Variants in HS3ST2 observed in about 807,000 individuals in gnomAD.
HS3ST2 encodes heparan sulfate glucosamine 3-O-sulfotransferase 2.
In HS3ST2, 17 loss-of-function variants were observed where a neutral mutation model predicts 26.3. The ratio of observed to expected loss-of-function variants is 0.65; its 90% CI spans 0.44 to 0.97. The LOEUF (loss-of-function observed/expected upper bound fraction) is 0.97. Ranked by LOEUF, HS3ST2 falls within the 50% of genes least tolerant of loss-of-function variation. The pLI, the probability that HS3ST2 is intolerant of heterozygous loss-of-function variation, is 0.00. For synonymous variants in HS3ST2, 237 were observed against 219.2 expected (o/e 1.08, Z -0.72); for missense variants, 402 against 501.2 (o/e 0.80, Z 1.89).
chr16:22,910,049 A>G (rs1218684395), intron 1 of HS3ST2, among the ~76,000 whole-genome samples: 3 of 151,668 alleles, frequency 2.0e-5, no homozygotes, highest in Non-Finnish European at 4.4e-5. Context: ...AAAAAAAAAA[A>G]AAAAAGAAAG....
intron 1 of HS3ST2, among the ~76,000 whole-genome samples, chr16:22,849,223 G>A (rs144152643): frequency 4.6e-5 from 7 of 152,170 alleles, no homozygotes; most frequent in African/African-American, 9.6e-5. Flanking sequence ...GAACACACTC[G>A]TGCTGTCTCA....
Position 22,850,735 on chromosome 16 carries a change from T to C in HS3ST2, c.485+35640T>C, listed in dbSNP as rs1221740660. On this transcript the variant is annotated intron_variant, in intron 1 of 1. Coordinates refer to ENST00000261374, the MANE Select transcript of HS3ST2 (RefSeq NM_006043.2). ...CCGGGAGGCGGAGGTTGCAGTGAGC[T>C]GAGATTGTGCCACTGCACTCCAGCC... 2.0e-5 allele frequency among the ~76,000 whole-genome samples: 3 copies of C among 152,104 alleles called. No individual in the cohort carries two copies. The East Asian group carries it at 5.8e-4, about 29-fold the overall frequency.
intron 1 of HS3ST2, among the ~76,000 whole-genome samples, chr16:22,892,041 G>A (rs958183820): frequency 4.6e-5 from 7 of 151,424 alleles, no homozygotes; most frequent in Middle Eastern, 3.4e-3. Context: ...TTGGGAGGCC[G>A]AGGCAGGTGG....
At chr16:22,851,216 C>G (rs1901514086) in intron 1 of HS3ST2, among the ~76,000 whole-genome samples, 1 of 152,204 alleles carries the variant, frequency 6.6e-6, no homozygotes, top group African/African-American at 2.4e-5. Context: ...GAGACCCCAT[C>G]TCTTATGTGA....
At chr16:22,886,853 T>C (rs910915875) in intron 1 of HS3ST2, among the ~76,000 whole-genome samples, 3 of 152,012 alleles carry the variant, frequency 2.0e-5, no homozygotes, top group Admixed American at 2.0e-4. Context: ...CTGAAGCTCC[T>C]GGGCTCAAAC....
chr16:22,861,271 C>T (rs546818988), intron 1 of HS3ST2, among the ~76,000 whole-genome samples: 17 of 151,992 alleles, frequency 1.1e-4, no homozygotes, highest in Admixed American at 7.9e-4. Flanking sequence ...TCTGGGGGGT[C>T]CATCAGAGAC....
intron 1 of HS3ST2, among the ~76,000 whole-genome samples, chr16:22,892,834 G>T (rs66710614): frequency 6.6e-6 from 1 of 152,000 alleles, no homozygotes. Context: ...TTCAAAATGC[G>T]TTGGCTCTTT....
Position 22,814,793 on chromosome 16 carries a change from G to T in HS3ST2, c.183G>T (p.Ala61=). The change falls in exon 1 of 2, where the codon GCG becomes GCT. Residue 61 remains alanine, a synonymous_variant. Transcript: ENST00000261374. The part of the protein sequence containing the change: ...GAPRCLRGPS[A]GGQKLLQKSR... ...CTCGCTGCCTCCGCGGCCCCAGCGC[G>T]GGCGGCCAGAAACTTCTCCAGAAGT... The T allele has an allele frequency of 1.3e-6, 2 of 1,592,608 alleles. No individual in the cohort carries two copies. The highest frequency in any genetic ancestry group is 2.3e-5 in the East Asian group (1 of 43,944).
At chr16:22,860,925 T>C (rs1405621946) in intron 1 of HS3ST2, among the ~76,000 whole-genome samples, 1 of 151,434 alleles carries the variant, frequency 6.6e-6, no homozygotes, top group African/African-American at 2.4e-5. Context: ...CAGGCTGGAG[T>C]GCAGTGGTGT....
At chr16:22,879,448 C>T (rs1901959624) in intron 1 of HS3ST2, among the ~76,000 whole-genome samples, 1 of 152,140 alleles carries the variant, frequency 6.6e-6, no homozygotes, top group Non-Finnish European at 1.5e-5. Context: ...AGGTGTTCTG[C>T]ACCATGCCCT....
intron 1 of HS3ST2, among the ~76,000 whole-genome samples, chr16:22,870,584 ACT>A (rs1040791413): frequency 6.6e-6 from 1 of 151,218 alleles, no homozygotes; most frequent in African/African-American, 2.4e-5. Context: ...CTCCCCTGCT[ACT>A]CTCTTTTGCC....
chr16:22,879,216 G>A (rs957056330), intron 1 of HS3ST2, among the ~76,000 whole-genome samples: 3 of 152,092 alleles, frequency 2.0e-5, no homozygotes, highest in Admixed American at 6.5e-5. Flanking sequence ...CCAAACTCAG[G>A]CTCTGTTTTC....
At chr16:22,836,700 A>G (rs778831106) in intron 1 of HS3ST2, among the ~76,000 whole-genome samples, 1 of 152,060 alleles carries the variant, frequency 6.6e-6, no homozygotes, top group Non-Finnish European at 1.5e-5. Flanking sequence ...AGCCAAATTG[A>G]AATGTTTAGG....
intron 1 of HS3ST2, among the ~76,000 whole-genome samples, chr16:22,849,640 G>A (rs1188469196): frequency 3.3e-5 from 5 of 152,112 alleles, no homozygotes; most frequent in African/African-American, 1.2e-4. Context: ...GGCTTCTAAG[G>A]TCATCACAGA....
At chr16:22,903,072 C>T (rs1902301670) in intron 1 of HS3ST2, among the ~76,000 whole-genome samples, 1 of 151,898 alleles carries the variant, frequency 6.6e-6, no homozygotes, top group Admixed American at 6.6e-5. Flanking sequence ...AAGAGTCTAA[C>T]TTTTCCATCT....
intron 1 of HS3ST2, among the ~76,000 whole-genome samples, chr16:22,901,873 T>A (rs945929129): frequency 1.3e-5 from 2 of 152,284 alleles, no homozygotes; most frequent in Admixed American, 1.3e-4. Context: ...ATGGAGACTT[T>A]TAAAAATAGC....
At chr16:22,865,615 T>C (rs1901740329) in intron 1 of HS3ST2, among the ~76,000 whole-genome samples, 1 of 152,136 alleles carries the variant, frequency 6.6e-6, no homozygotes, top group Non-Finnish European at 1.5e-5. Flanking sequence ...TCATCAAGTC[T>C]TCAAGGAACC....
At chr16:22,906,313 G>A (rs1179472348) in intron 1 of HS3ST2, among the ~76,000 whole-genome samples, 2 of 151,982 alleles carry the variant, frequency 1.3e-5, no homozygotes, top group Non-Finnish European at 1.5e-5. Context: ...GGAAGTGGCA[G>A]TGAGCCGAGA....
At chr16:22,858,754 A>C (rs1474156511) in intron 1 of HS3ST2, among the ~76,000 whole-genome samples, 1 of 152,086 alleles carries the variant, frequency 6.6e-6, no homozygotes, top group Non-Finnish European at 1.5e-5. Flanking sequence ...AAATGAGGAA[A>C]ATGGTTCCTT....
Sources: gnomAD v4.1 joint callset for allele counts (sites outside exome capture counted in the v4.1 genomes callset) on GRCh38, gnomAD v4.1.1 for gene constraint, MANE v1.5 for transcripts, NCBI Gene and HGNC (gene_info 2026-07-23, HGNC 2026-07-21) for gene names.